PIK3CB: variants seen among roughly 807,000 people sequenced by gnomAD.
PIK3CB encodes phosphatidylinositol 4,5-bisphosphate 3-kinase catalytic subunit beta isoform.
In PIK3CB, 39 loss-of-function variants were observed where a neutral mutation model predicts 136.8. That is an observed-to-expected ratio of 0.29 (90% CI 0.22 to 0.37). PIK3CB has a LOEUF of 0.37. PIK3CB is among the 10% of genes least tolerant of loss of function. PIK3CB has a pLI of 1.00. For missense variants in PIK3CB, 868 were observed against 1,275.4 expected, an observed-to-expected ratio of 0.68 and a Z score of 4.87; for synonymous variants, 428 against 436.6, an observed-to-expected ratio of 0.98 and a Z score of 0.25.
chr3:138,785,103 G>A (rs910705549), intron 2 of PIK3CB, among the ~76,000 whole-genome samples: 172 of 151,960 alleles, frequency 1.1e-3, no homozygotes, highest in Non-Finnish European at 2.2e-3. Flanking sequence ...GGAGGTGGGG[G>A]GCAGCCCCCG....
At position 138,787,922 on chromosome 3, in the gene PIK3CB, CTT is replaced by C. The variant is rs35705968; in HGVS notation, c.-17+8539_-17+8540del. On this transcript the variant is annotated intron_variant, in intron 2 of 23. Transcript: ENST00000674063. ...CTCTCACTAAAATTTAACTAGAAGA[CTT>C]TTTTTTTTTTTTTTTTGAGACATGA... 6.6e-3 allele frequency among the ~76,000 whole-genome samples: 852 copies of C among 128,978 alleles called. 2 individuals are homozygous for C. Among genetic ancestry groups the C allele is most frequent in the Middle Eastern group, 0.012 (3 of 258 alleles). The allele number at this position is 128,978 out of a possible 152,430, so 84.6% of individuals were successfully genotyped here. A position where few individuals can be genotyped will look rare whatever the true frequency, so the allele number is the denominator to read the frequency against.
At chr3:138,749,000 T>C (rs902480543) in intron 4 of PIK3CB, among the ~76,000 whole-genome samples, 5 of 152,164 alleles carry the variant, frequency 3.3e-5, no homozygotes, top group Non-Finnish European at 5.9e-5. Context: ...GTATTAAATA[T>C]AGAAAAATAA....
At chr3:138,660,325 A>G (rs1172636076) in intron 21 of PIK3CB, among the ~76,000 whole-genome samples, 2 of 152,120 alleles carry the variant, frequency 1.3e-5, no homozygotes, top group Non-Finnish European at 1.5e-5. Context: ...CCTATTTCTA[A>G]TTTTCAAGAC....
intron 2 of PIK3CB, among the ~76,000 whole-genome samples, chr3:138,769,345 A>G (rs1473678302): frequency 6.6e-6 from 1 of 152,228 alleles, no homozygotes; most frequent in Non-Finnish European, 1.5e-5. Flanking sequence ...CCAATGAATG[A>G]TGTTTCCTAT....
chr3:138,740,428 C>T (rs542311120), intron 5 of PIK3CB, among the ~76,000 whole-genome samples: 5 of 152,174 alleles, frequency 3.3e-5, no homozygotes, highest in Admixed American at 2.6e-4. Context: ...GTTTATAAGC[C>T]ACCCAGTCTA....
At chr3:138,705,196 A>AAAAAAAAAAAAAAAAAAAAC (rs1361621380) in intron 11 of PIK3CB, among the ~76,000 whole-genome samples, 1 of 141,644 alleles carries the variant, frequency 7.1e-6, no homozygotes, top group Non-Finnish European at 1.5e-5. Flanking sequence ...CAAACAAAAA[A>AAAAAAAAAAAAAAAAAAAAC]AAAAACTTAT....
chr3:138,738,663 A>G (rs1195329533), intron 5 of PIK3CB, among the ~76,000 whole-genome samples: 1 of 152,186 alleles, frequency 6.6e-6, no homozygotes, highest in African/African-American at 2.4e-5. Context: ...TCGATATAGC[A>G]TTACCAAATC....
chr3:138,668,873 C>G (rs539046975), intron 19 of PIK3CB, among the ~76,000 whole-genome samples: 1 of 152,222 alleles, frequency 6.6e-6, no homozygotes. Context: ...CAACCCACAC[C>G]CTGCTTCTAT....
At chr3:138,712,173 T>C in intron 10 of PIK3CB, 35 bp downstream of exon 10, 1 of 1,040,346 alleles carries the variant, frequency 9.6e-7, no homozygotes, top group Non-Finnish European at 1.5e-6. Flanking sequence ...AAGTTAGTTA[T>C]GCTTTAACAC....
At chr3:138,729,131 A>C (rs2108627457) in intron 8 of PIK3CB, among the ~76,000 whole-genome samples, 1 of 152,088 alleles carries the variant, frequency 6.6e-6, no homozygotes. Context: ...AAATACAAAA[A>C]TTAGCTGGGT....
intron 2 of PIK3CB, among the ~76,000 whole-genome samples, chr3:138,766,007 CAT>C (rs1232837758): frequency 2.0e-5 from 3 of 152,036 alleles, no homozygotes; most frequent in Non-Finnish European, 4.4e-5. Flanking sequence ...TATTAACAAA[CAT>C]ATAAAATTCT....
chr3:138,754,610 T>G (rs2045531686), intron 4 of PIK3CB, among the ~76,000 whole-genome samples: 1 of 152,086 alleles, frequency 6.6e-6, no homozygotes, highest in Non-Finnish European at 1.5e-5. Context: ...TGGGAAAAAT[T>G]TATTGCCAAA....
intron 6 of PIK3CB, among the ~76,000 whole-genome samples, chr3:138,737,111 G>A (rs757967446): frequency 6.6e-5 from 10 of 151,882 alleles, no homozygotes; most frequent in East Asian, 5.8e-4. Flanking sequence ...CGAATGAGCC[G>A]GGCACAGTGG....
chr3:138,665,171 T>C lies in PIK3CB; in HGVS notation c.2537A>G (p.Asp846Gly). The C allele has an allele frequency of 1.2e-6, 2 of 1,608,532 alleles. No homozygotes were observed. Among genetic ancestry groups the C allele is most frequent in the Non-Finnish European group, 1.7e-6 (2 of 1,177,044 alleles). The change falls in exon 20 of 24, where the codon GAT becomes GGT. Residue 846 changes from aspartate (D) to glycine (G), a missense_variant. Asp to Gly is a moderately conservative substitution (Grantham distance 94). This residue lies in a region of PIK3CB where 165 missense variants were observed against 295.4 expected (regional missense o/e 0.56). Transcript: ENST00000674063. ...MLPYGCLATG[D>G]RSGLIEVVST... ...CACAACTTCAATGAGGCCAGAGCGA[T>C]CTCCTGTTGCTAAACAGCCATAAGG...
At chr3:138,811,367 G>A (rs1337196017) in intron 1 of PIK3CB, among the ~76,000 whole-genome samples, 2 of 151,206 alleles carry the variant, frequency 1.3e-5, no homozygotes, top group Non-Finnish European at 2.9e-5. Context: ...TATATATTAG[G>A]TAACAATACC....
intron 19 of PIK3CB, among the ~76,000 whole-genome samples, chr3:138,675,491 T>C (rs2043625537): frequency 6.6e-6 from 1 of 152,128 alleles, no homozygotes; most frequent in African/African-American, 2.4e-5. Flanking sequence ...GAATAAACTC[T>C]AATAGAAGTA....
At chr3:138,826,087 A>G (rs542349002) in intron 1 of PIK3CB, 2 of 1,073,940 alleles carry the variant, frequency 1.9e-6, no homozygotes, top group Non-Finnish European at 2.8e-6. Flanking sequence ...ATTGATCACC[A>G]TTCTAGTAAG....
chr3:138,723,057 T>G (rs1241632059), intron 8 of PIK3CB, among the ~76,000 whole-genome samples: 2 of 151,892 alleles, frequency 1.3e-5, no homozygotes, highest in African/African-American at 4.8e-5. Flanking sequence ...AAAATTTTGT[T>G]CTCTGAATTT....
At position 138,685,396 on chromosome 3, in the gene PIK3CB, C is replaced by CAAA. The variant is rs398052626; in HGVS notation, c.2137-596_2137-594dup. ...TGGGTAAGAGAGTGAGAAACTGTCTCAAAAAAAAAAAAAAAAAAAAAAAAA... is the reference window on the plus strand; with the variant it reads ...TGGGTAAGAGAGTGAGAAACTGTCTCAAAAAAAAAAAAAAAAAAAAAAAAAAAA... On this transcript the variant is annotated intron_variant, in intron 16 of 23. Coordinates refer to ENST00000674063, the MANE Select transcript of PIK3CB (RefSeq NM_006219.3). 1.3e-3 allele frequency among the ~76,000 whole-genome samples: 75 copies of CAAA among 58,342 alleles called. 3 individuals are homozygous for CAAA. Among genetic ancestry groups the CAAA allele is most frequent in the African/African-American group, 5.3e-3 (54 of 10,138 alleles). 38.3% of individuals were successfully genotyped at this position (58,342 alleles called of 152,430 possible).
Sources: gnomAD v4.1 joint callset for allele counts (sites outside exome capture counted in the v4.1 genomes callset) on GRCh38, gnomAD v4.1.1 for gene constraint, gnomAD v4.1.1 regional missense constraint, MANE v1.5 for transcripts, NCBI Gene and HGNC (gene_info 2026-07-23, HGNC 2026-07-21) for gene names.